FBXL4: variants seen among roughly 807,000 people sequenced by gnomAD.
FBXL4 encodes F-box and leucine rich repeat protein 4.
In FBXL4, 40 loss-of-function variants were observed where a neutral mutation model predicts 58.9. That is an observed-to-expected ratio of 0.68 (90% confidence interval 0.53 to 0.88). The LOEUF (loss-of-function observed/expected upper bound fraction) is 0.88. FBXL4 is among the 40% of genes least tolerant of loss of function. FBXL4 has a pLI of 0.00. For synonymous variants in FBXL4, 263 were observed against 265.5 expected (o/e 0.99, Z 0.09); for missense variants, 676 against 734.4 (o/e 0.92, Z 0.92).
Position 98,926,772 on chromosome 6 carries a change from A to T in FBXL4, c.217T>A (p.Tyr73Asn). The T allele has an allele frequency of 6.2e-7, 1 of 1,614,064 alleles. No homozygotes were observed. The highest frequency in any genetic ancestry group is 8.5e-7 in the Non-Finnish European group (1 of 1,179,886). The change falls in exon 4 of 10, where the codon TAT (tyrosine) becomes AAT (asparagine). Residue 73 changes from tyrosine (Y) to asparagine (N), a missense_variant. Transcript: ENST00000369244. ...SHYGSENSMS[Y>N]TMWNLAGVPN... is the part of the protein sequence containing the mutation. ...ACACCAGCCAAATTCCACATAGTAT[A>T]GGACATACTATTCTCACTTCCATAA...
At chr6:98,881,241 A>G (rs1030168878) in intron 7 of FBXL4, among the ~76,000 whole-genome samples, 1 of 152,206 alleles carries the variant, frequency 6.6e-6, no homozygotes, top group African/African-American at 2.4e-5. Context: ...TGTTCCTGCC[A>G]TTTAAGCCCA....
Position 98,895,379 on chromosome 6 carries a change from T to C in FBXL4, c.1317+3889A>G, listed in dbSNP as rs187067135. ...CATAAACATAATAGTCTGTATTTTATCATGGATTATAATGTTGTATATGTT... is the reference window on the plus strand; with the variant it reads ...CATAAACATAATAGTCTGTATTTTACCATGGATTATAATGTTGTATATGTT... On this transcript the variant is annotated intron_variant, in intron 7 of 9. Coordinates refer to ENST00000369244, the MANE Select transcript of FBXL4 (RefSeq NM_001278716.2). Among the ~76,000 whole-genome samples the C allele has an allele frequency of 3.9e-4, 60 of 152,334 alleles. No individual in the cohort carries two copies. The East Asian group carries it at 0.011, about 28-fold the overall frequency.
intron 6 of FBXL4, among the ~76,000 whole-genome samples, chr6:98,903,876 T>A (rs1771704555): frequency 1.3e-5 from 2 of 152,190 alleles, no homozygotes. Context: ...TATGTTTATC[T>A]TAATATCTTT....
At chr6:98,879,552 G>A (rs1010430928) in intron 8 of FBXL4, among the ~76,000 whole-genome samples, 1 of 152,052 alleles carries the variant, frequency 6.6e-6, no homozygotes, top group Non-Finnish European at 1.5e-5. Context: ...CTCTTTCCAT[G>A]AGCTCTTTCA....
intron 2 of FBXL4, among the ~76,000 whole-genome samples, chr6:98,934,405 A>C (rs1773127361): frequency 6.6e-6 from 1 of 152,160 alleles, no homozygotes; most frequent in Non-Finnish European, 1.5e-5. Context: ...TCTCAAAAAA[A>C]AAAAAGAGAG....
At chr6:98,940,896 A>C (rs1044972313) in intron 1 of FBXL4, among the ~76,000 whole-genome samples, 12 of 152,220 alleles carry the variant, frequency 7.9e-5, no homozygotes, top group Admixed American at 2.6e-4. Flanking sequence ...TCTTAAGGGA[A>C]GACCTGGGAA....
intron 2 of FBXL4, among the ~76,000 whole-genome samples, chr6:98,931,081 A>C (rs1772994472): frequency 6.6e-6 from 1 of 152,242 alleles, no homozygotes; most frequent in Non-Finnish European, 1.5e-5. Flanking sequence ...TGGATGAATA[A>C]GTTGACTGCT....
At chr6:98,933,339 G>A (rs759232357) in intron 2 of FBXL4, among the ~76,000 whole-genome samples, 18 of 152,064 alleles carry the variant, frequency 1.2e-4, no homozygotes, top group Non-Finnish European at 2.1e-4. Flanking sequence ...CTGTCTTTTT[G>A]ATAACATGAT....
chr6:98,941,624 G>A (rs1037312912), intron 1 of FBXL4, among the ~76,000 whole-genome samples: 3 of 152,128 alleles, frequency 2.0e-5, no homozygotes, highest in African/African-American at 7.2e-5. Flanking sequence ...TTCTGCCCAG[G>A]GCAAAGCCTG....
chr6:98,909,268 T>A (rs1771937624), intron 5 of FBXL4, among the ~76,000 whole-genome samples: 1 of 152,136 alleles, frequency 6.6e-6, no homozygotes, highest in Admixed American at 6.5e-5. Flanking sequence ...CAGACCTCTA[T>A]GACGCAGCAG....
intron 1 of FBXL4, among the ~76,000 whole-genome samples, chr6:98,938,297 T>C (rs756873480): frequency 6.6e-6 from 1 of 152,156 alleles, no homozygotes; most frequent in Non-Finnish European, 1.5e-5. Context: ...GAGTACCATG[T>C]ATAGTAAGCC....
chr6:98,943,573 C>CT (rs1253791697), intron 1 of FBXL4, among the ~76,000 whole-genome samples: 1 of 83,268 alleles, frequency 1.2e-5, no homozygotes, highest in Admixed American at 1.6e-4. Flanking sequence ...GAGCAAGACT[C>CT]TGTCTCAAAA....
chr6:98,907,119 C>T (rs1771844373), intron 5 of FBXL4, among the ~76,000 whole-genome samples: 1 of 152,122 alleles, frequency 6.6e-6, no homozygotes, highest in Non-Finnish European at 1.5e-5. Context: ...CTGTAGGTTG[C>T]CTGTTCACTC....
chr6:98,884,455 G>C (rs1360209885), intron 7 of FBXL4, among the ~76,000 whole-genome samples: 2 of 151,920 alleles, frequency 1.3e-5, no homozygotes, highest in Non-Finnish European at 2.9e-5. Flanking sequence ...CCTCAATCTA[G>C]AACGAAAGTT....
At chr6:98,907,147 T>C (rs897440253) in intron 5 of FBXL4, among the ~76,000 whole-genome samples, 2 of 152,172 alleles carry the variant, frequency 1.3e-5, no homozygotes, top group Non-Finnish European at 1.5e-5. Flanking sequence ...AGTTTTTTGC[T>C]GGAACATTCA....
rs183367780 is a variant in FBXL4, at chr6:98,927,702, C to T, written c.-73+3G>A. 1.3e-5 allele frequency: 2 copies of T among 152,336 alleles called. No homozygotes were observed. The highest frequency in any genetic ancestry group is 3.9e-4 in the East Asian group (2 of 5,190). 9.4% of individuals were successfully genotyped at this position (152,336 alleles called of 1,614,324 possible). A position where few individuals can be genotyped will look rare whatever the true frequency, so the allele number is the denominator to read the frequency against. On this transcript the variant is annotated splice_donor_region_variant and intron_variant, in intron 3 of 9. Transcript: ENST00000369244. ...TTGCCAGCTACTCTTAGAAATCACT[C>T]ACCCCAGATAGAATGGTCACAGGAT...
rs112617183 is a variant in FBXL4, at chr6:98,925,453, G to A, written c.512+1024C>T. Among the ~76,000 whole-genome samples the A allele has an allele frequency of 1.6e-3, 250 of 152,274 alleles. 2 individuals carry two copies. Among genetic ancestry groups the A allele is most frequent in the African/African-American group, 5.5e-3 (229 of 41,542 alleles). The stretch of plus-strand genomic sequence containing the variant: ...ATTACAAAATTATCAAATTATCCTT[G>A]GTTGAGTAGCCTTCTTCTAGGAAAT... On this transcript the variant is annotated intron_variant, in intron 4 of 9. Coordinates refer to ENST00000369244, the MANE Select transcript of FBXL4 (RefSeq NM_001278716.2).
rs1487964842 is a variant in FBXL4, at chr6:98,885,432, A to AGGGTGTTTCTG, written c.1318-4809_1318-4808insCAGAAACACCC. On this transcript the variant is annotated intron_variant, in intron 7 of 9. Transcript: ENST00000369244. ...GGTGTTTCTGTGAGGTTGTTTTTGG[A>AGGGTGTTTCTG]TGAGATTAACATTTAAATCAGTAGA... Among the ~76,000 whole-genome samples the AGGGTGTTTCTG allele has an allele frequency of 3.5e-3, 540 of 152,202 alleles. 3 individuals carry two copies. The highest frequency in any genetic ancestry group is 0.012 in the African/African-American group (519 of 41,526).
intron 5 of FBXL4, among the ~76,000 whole-genome samples, chr6:98,911,041 C>G (rs970949357): frequency 1.6e-5 from 1 of 63,492 alleles, no homozygotes; most frequent in African/African-American, 6.3e-5. Context: ...GCACCTGGCT[C>G]GGAGGGTCCT....
Sources: allele counts gnomAD v4.1 joint callset (sites outside exome capture counted in the v4.1 genomes callset), GRCh38; gene constraint gnomAD v4.1.1; transcripts MANE v1.5; gene names NCBI Gene and HGNC (gene_info 2026-07-23, HGNC 2026-07-21).